DAPK2: variants seen among roughly 807,000 people sequenced by gnomAD.
The protein encoded by DAPK2 is death-associated protein kinase 2.
DAPK2 carries 35 observed loss-of-function variants against 44.1 expected under a neutral mutation model. The ratio of observed to expected loss-of-function variants is 0.79; its 90% CI spans 0.61 to 1.05. The LOEUF is 1.05. Ranked by LOEUF, DAPK2 falls within the 50% of genes least tolerant of loss-of-function variation. The probability of loss-of-function intolerance (pLI) is 0.00; values close to 1 mark genes in which losing one functional copy is unlikely to be tolerated. For synonymous variants in DAPK2, 174 were observed against 182.6 expected (o/e 0.95, Z 0.38); for missense variants, 453 against 483.2 (o/e 0.94, Z 0.59).
intron 1 of DAPK2, among the ~76,000 whole-genome samples, chr15:63,987,679 T>G (rs886327372): frequency 7.9e-5 from 12 of 152,204 alleles, no homozygotes; most frequent in Non-Finnish European, 1.5e-4. Context: ...AGGTCTCATC[T>G]TAGAAAGCTT....
rs1244255545 is a variant in DAPK2, at chr15:63,980,956, G to C, written c.314+2577C>G. On this transcript the variant is annotated intron_variant, in intron 2 of 10. Coordinates refer to ENST00000261891, the Ensembl canonical transcript of DAPK2. This position sits in a 1 kb window ranked among gnomAD's most constrained non-coding sequence, Gnocchi z 4.3. ...AATACAAAAATTAGCTGGGTGTGGTGGTGGGTGCCTGTAATTCCAGCTACT... is the reference window on the plus strand; with the variant it reads ...AATACAAAAATTAGCTGGGTGTGGTCGTGGGTGCCTGTAATTCCAGCTACT... Among the ~76,000 whole-genome samples, 1 of 152,122 alleles carries C rather than the reference G, an allele frequency of 6.6e-6. No individual in the cohort carries two copies. Among genetic ancestry groups the C allele is most frequent in the Non-Finnish European group, 1.5e-5 (1 of 68,022 alleles).
chr15:63,963,452 C>T (rs139166441), intron 3 of DAPK2, among the ~76,000 whole-genome samples: 4,069 of 152,296 alleles, frequency 0.027, 80 homozygotes, highest in South Asian at 0.065. Context: ...TGTTCCTATT[C>T]GGCCATCTTG....
At chr15:64,028,607 G>C (rs1388056804) in intron 1 of DAPK2, among the ~76,000 whole-genome samples, 2 of 152,210 alleles carry the variant, frequency 1.3e-5, no homozygotes, top group South Asian at 4.1e-4. Context: ...TCCTGAATTT[G>C]TAACTGTATA....
At chr15:64,009,095 G>A (rs977572902) in intron 1 of DAPK2, among the ~76,000 whole-genome samples, 1 of 152,028 alleles carries the variant, frequency 6.6e-6, no homozygotes, top group Non-Finnish European at 1.5e-5. Context: ...CTCCATCATG[G>A]GATTCAGCCC....
chr15:63,923,254 G>A lies in DAPK2; in HGVS notation c.858+1562C>T, dbSNP rs1396565532. Reference sequence around the variant, plus strand: ...AGTTGTTGGGAGGCATGCTTGAGTGGCATTTGAGAGTGTACTCTCTCAGGT... The same window carrying A: ...AGTTGTTGGGAGGCATGCTTGAGTGACATTTGAGAGTGTACTCTCTCAGGT... On this transcript the variant is annotated intron_variant, in intron 8 of 10. Coordinates refer to ENST00000261891, the Ensembl canonical transcript of DAPK2. The surrounding 1 kb of genome is among the most constrained non-coding windows in gnomAD (Gnocchi z 4.2). The A allele has an allele frequency of 6.5e-7, 1 of 1,535,906 alleles. No homozygotes were observed. Among genetic ancestry groups the A allele is most frequent in the Non-Finnish European group, 8.7e-7 (1 of 1,146,746 alleles).
At chr15:63,993,902 C>T (rs1440308429) in intron 1 of DAPK2, among the ~76,000 whole-genome samples, 1 of 152,132 alleles carries the variant, frequency 6.6e-6, no homozygotes, top group Non-Finnish European at 1.5e-5. Context: ...AAACATTCCA[C>T]AGACACACAC....
rs1305966915 is a variant in DAPK2, at chr15:63,924,822, C to T, written c.852G>A (p.Trp284Ter). Residue 284 changes from tryptophan (W) to a stop codon, truncating the protein, a stop_gained, in exon 8 of 11, where the codon TGG becomes TGA. Transcript: ENST00000261891. LOFTEE classifies it high-confidence loss of function. ...CTCATGGCTGTGCCCTTACCGTGAT[C>T]CAGGGGTGTCTGAGAGCCTCTTGGA... 6.2e-7 allele frequency: 1 copy of T among 1,614,082 alleles called. No homozygotes were observed. Among genetic ancestry groups the T allele is most frequent in the African/African-American group, 1.3e-5 (1 of 74,932 alleles).
chr15:64,031,367 G>A (rs1021492131), intron 1 of DAPK2, among the ~76,000 whole-genome samples: 4 of 152,042 alleles, frequency 2.6e-5, no homozygotes, highest in Non-Finnish European at 5.9e-5. Flanking sequence ...CAAGTAGCTG[G>A]GACTACAGGC....
At chr15:63,954,278 A>G (rs1319020010) in intron 3 of DAPK2, among the ~76,000 whole-genome samples, 1 of 152,192 alleles carries the variant, frequency 6.6e-6, no homozygotes, top group Non-Finnish European at 1.5e-5. Context: ...GTAGTTTCAT[A>G]GTTTGAAATC....
chr15:63,989,390 AAG>A (rs2078755991), intron 1 of DAPK2, among the ~76,000 whole-genome samples: 1 of 152,006 alleles, frequency 6.6e-6, no homozygotes, highest in African/African-American at 2.4e-5. Flanking sequence ...GCCAATAAAA[AAG>A]AGAGAGAGAA....
intron 1 of DAPK2, among the ~76,000 whole-genome samples, chr15:64,016,872 GAA>G: frequency 6.7e-6 from 1 of 150,208 alleles, no homozygotes; most frequent in Non-Finnish European, 1.5e-5. Flanking sequence ...AGGAAGGAAG[GAA>G]GGAAGGAAGG....
chr15:63,923,434 G>A lies in DAPK2; in HGVS notation c.858+1382C>T. 1 of 1,473,200 alleles carries A rather than the reference G, an allele frequency of 6.8e-7. No individual in the cohort carries two copies. Among genetic ancestry groups the A allele is most frequent in the Non-Finnish European group, 9.0e-7 (1 of 1,115,572 alleles). The allele number at this position is 1,473,200 out of a possible 1,614,324, so 91.3% of individuals were successfully genotyped here. ...AGGGTAGGCAGAAGGCACACAAGCG[G>A]CCTCTGGCATTCACTGCATGCGTCA... On this transcript the variant is annotated intron_variant, in intron 8 of 10. Coordinates refer to ENST00000261891, the Ensembl canonical transcript of DAPK2. This position sits in a 1 kb window ranked among gnomAD's most constrained non-coding sequence, Gnocchi z 4.2.
chr15:63,958,521 A>C (rs1390805148), intron 3 of DAPK2, among the ~76,000 whole-genome samples: 1 of 152,136 alleles, frequency 6.6e-6, no homozygotes, highest in East Asian at 1.9e-4. Flanking sequence ...ATCTTGAATT[A>C]ATTTTTGTAT....
At chr15:63,929,932 C>T in intron 5 of DAPK2, 1 of 458,520 alleles carries the variant, frequency 2.2e-6, no homozygotes, top group Non-Finnish European at 4.1e-6. Flanking sequence ...TTTAGAAAAC[C>T]AGGTAACAAA....
intron 1 of DAPK2, among the ~76,000 whole-genome samples, chr15:63,991,871 GGGAA>G (rs1231630328): frequency 1.1e-4 from 17 of 152,226 alleles, no homozygotes; most frequent in Non-Finnish European, 2.4e-4. Context: ...AGAGTCTCCA[GGGAA>G]CTGACTCCTG....
In DAPK2 at chr15:64,031,110, G is replaced by A. The variant is rs138259533; in HGVS notation, c.92+9060C>T. Among the ~76,000 whole-genome samples the A allele has an allele frequency of 1.3e-3, 201 of 152,170 alleles. 1 individual carries two copies. The highest frequency in any genetic ancestry group is 4.4e-3 in the African/African-American group (182 of 41,512). The stretch of plus-strand genomic sequence containing the variant: ...TGCCTTGTTTAAAGTGTGTGACCAT[G>A]AATACTTTATTTAACTTCTCTGAGC... On this transcript the variant is annotated intron_variant, in intron 1 of 10. Transcript: ENST00000261891.
chr15:63,978,542 C>T (rs1264628794), intron 2 of DAPK2, among the ~76,000 whole-genome samples: 1 of 152,030 alleles, frequency 6.6e-6, no homozygotes, highest in African/African-American at 2.4e-5. Flanking sequence ...GCCACTGTGC[C>T]CCCTAGAATC....
At chr15:63,972,362 T>C (rs1336641193) in intron 2 of DAPK2, among the ~76,000 whole-genome samples, 1 of 152,200 alleles carries the variant, frequency 6.6e-6, no homozygotes, top group Non-Finnish European at 1.5e-5. Context: ...AGAAAAAGCC[T>C]ACATTGCCAT....
intron 1 of DAPK2, among the ~76,000 whole-genome samples, chr15:64,019,555 A>G (rs140325996): frequency 3.9e-5 from 6 of 152,368 alleles, no homozygotes; most frequent in African/African-American, 1.4e-4. Context: ...TAAAAGTAAT[A>G]TGTGCTCATT....
Sources: allele counts gnomAD v4.1 joint callset (sites outside exome capture counted in the v4.1 genomes callset), GRCh38; gene constraint gnomAD v4.1.1; non-coding constraint Gnocchi (gnomAD v3.1); transcripts MANE v1.5; gene names NCBI Gene and HGNC (gene_info 2026-07-23, HGNC 2026-07-21).